The following RBM11 variants were observed in gnomAD, a reference collection of about 807,000 sequenced individuals.
RBM11 encodes the protein RNA binding motif protein 11.
RBM11 carries 18 observed loss-of-function variants against 21.4 expected under a neutral mutation model. The ratio of observed to expected loss-of-function variants is 0.84; its 90% CI spans 0.58 to 1.25. The LOEUF is 1.25. Ranked by LOEUF, RBM11 falls within the 50% of genes most tolerant of loss-of-function variation. The pLI is 0.00. For synonymous variants in RBM11, 120 were observed against 116.3 expected (o/e 1.03, Z -0.20); for missense variants, 294 against 331.9 (o/e 0.89, Z 0.89).
At position 14,227,219 on chromosome 21, in the gene RBM11, AG is replaced by A; in HGVS notation, c.773del (p.Ser258IlefsTer30). 6.2e-7 allele frequency: 1 copy of A among 1,614,080 alleles called. No individual in the cohort carries two copies. The highest frequency in any genetic ancestry group is 1.1e-5 in the South Asian group (1 of 91,082). On this transcript the variant is annotated frameshift_variant, in exon 5 of 5. Coordinates refer to ENST00000400577, the MANE Select transcript of RBM11 (RefSeq NM_144770.5). LOFTEE classifies it high-confidence loss of function. ...KRQKQTSDSD[S>X]STDNNRGNEC... ...ACAAAAGCAAACAAGTGATAGTGAT[AG>A]TAGCACAGACAACAACAGAGGCAAC...
intron 2 of RBM11, among the ~76,000 whole-genome samples, 182 bp downstream of exon 2, chr21:14,219,907 G>A (rs909323584): frequency 9.2e-5 from 14 of 152,106 alleles, no homozygotes; most frequent in Admixed American, 8.5e-4. Flanking sequence ...TAGTTAATTA[G>A]TCTTGACAAA....
At chr21:14,223,660 T>C (rs1978856347) in intron 3 of RBM11, among the ~76,000 whole-genome samples, 1 of 152,208 alleles carries the variant, frequency 6.6e-6, no homozygotes, top group Non-Finnish European at 1.5e-5. Context: ...AGTTTGAATG[T>C]GTCCCTCAAA....
chr21:14,216,487 G>T (rs1600952714), intron 1 of RBM11, among the ~76,000 whole-genome samples: 1 of 152,158 alleles, frequency 6.6e-6, no homozygotes, highest in Non-Finnish European at 1.5e-5. Flanking sequence ...CCGCGCTGCA[G>T]AGTCCTGGGG....
At chr21:14,226,478 G>T (rs1979090650) in intron 4 of RBM11, among the ~76,000 whole-genome samples, 2 of 151,990 alleles carry the variant, frequency 1.3e-5, no homozygotes, top group South Asian at 2.1e-4. Context: ...AATTAGCTGG[G>T]TGTGGTGGCG....
At chr21:14,223,112 T>A (rs1037176230) in intron 3 of RBM11, among the ~76,000 whole-genome samples, 1 of 152,198 alleles carries the variant, frequency 6.6e-6, no homozygotes, top group Non-Finnish European at 1.5e-5. Flanking sequence ...TAGTTATGTT[T>A]GATACACTGA....
At chr21:14,224,254 A>T in intron 3 of RBM11, 184 bp from the exon 4 acceptor site, 1 of 824,556 alleles carries the variant, frequency 1.2e-6, no homozygotes, top group Non-Finnish European at 1.8e-6. Flanking sequence ...ACTGGGATTT[A>T]GGACTTTAAC....
At chr21:14,225,741 G>A (rs780392825) in intron 4 of RBM11, among the ~76,000 whole-genome samples, 54 of 151,876 alleles carry the variant, frequency 3.6e-4, no homozygotes, top group Non-Finnish European at 5.9e-4. Context: ...TGTCTTCATC[G>A]AAGCATTTTT....
At chr21:14,226,012 G>T (rs970645791) in intron 4 of RBM11, among the ~76,000 whole-genome samples, 4 of 151,722 alleles carry the variant, frequency 2.6e-5, no homozygotes, top group African/African-American at 9.7e-5. Flanking sequence ...TCGGTTTTCA[G>T]AAAACTTTTA....
intron 4 of RBM11, among the ~76,000 whole-genome samples, chr21:14,224,754 G>A (rs1978956700): frequency 6.6e-6 from 1 of 152,174 alleles, no homozygotes; most frequent in African/African-American, 2.4e-5. Flanking sequence ...AAAAGGGATG[G>A]ACGGCAGTGA....
At chr21:14,223,410 A>C (rs897387095) in intron 3 of RBM11, among the ~76,000 whole-genome samples, 1 of 152,178 alleles carries the variant, frequency 6.6e-6, no homozygotes, top group African/African-American at 2.4e-5. Context: ...CTGCTATAAC[A>C]AAGTACCGCA....
chr21:14,221,647 G>T (rs1481987803), intron 3 of RBM11, among the ~76,000 whole-genome samples: 3 of 152,094 alleles, frequency 2.0e-5, no homozygotes, highest in African/African-American at 4.8e-5. Flanking sequence ...AACTCATCTA[G>T]AATTTTGTAT....
intron 4 of RBM11, among the ~76,000 whole-genome samples, chr21:14,226,192 A>G (rs1427766407): frequency 1.3e-5 from 2 of 152,216 alleles, no homozygotes; most frequent in African/African-American, 4.8e-5. Flanking sequence ...AAGAAAAAGT[A>G]AAATATCTCA....
chr21:14,220,512 T>G (rs796358404), intron 2 of RBM11, among the ~76,000 whole-genome samples: 6 of 152,328 alleles, frequency 3.9e-5, no homozygotes, highest in African/African-American at 1.4e-4. Flanking sequence ...AATGCTTTAT[T>G]GCAAAGCAAA....
intron 1 of RBM11, 113 bp downstream of exon 1, chr21:14,216,395 T>C: frequency 1.2e-6 from 1 of 841,804 alleles, no homozygotes; most frequent in Non-Finnish European, 1.9e-6. Flanking sequence ...TGAGCAGGGG[T>C]TTTAATTTCG....
At chr21:14,224,032 C>T (rs1465570008) in intron 3 of RBM11, among the ~76,000 whole-genome samples, 1 of 152,048 alleles carries the variant, frequency 6.6e-6, no homozygotes, top group Non-Finnish European at 1.5e-5. Flanking sequence ...AACAGAGTAC[C>T]TGTTTGTTAT....
chr21:14,219,882 A>G (rs911168595), intron 2 of RBM11, among the ~76,000 whole-genome samples, 157 bp downstream of exon 2: 1 of 152,152 alleles, frequency 6.6e-6, no homozygotes, highest in Non-Finnish European at 1.5e-5. Context: ...CACGTGTCTA[A>G]TTCATAATGT....
chr21:14,216,921 A>G (rs1019914492), intron 1 of RBM11, among the ~76,000 whole-genome samples: 1 of 152,166 alleles, frequency 6.6e-6, no homozygotes, highest in African/African-American at 2.4e-5. Context: ...ACAGCTAGGT[A>G]TCACTTGCCA....
rs142580251 is a variant in RBM11, at chr21:14,222,324, G to A, written c.332+1155G>A. Among the ~76,000 whole-genome samples the A allele has an allele frequency of 2.4e-4, 36 of 152,154 alleles. No individual in the cohort carries two copies. In the East Asian group the frequency reaches 6.6e-3, roughly 28 times the overall value. ...ATATAGATACTTATATATAGAGAGA[G>A]AAGTATAGCTCTACTAGCTACATTT... On this transcript the variant is annotated intron_variant, in intron 3 of 4. Transcript: ENST00000400577.
rs1979161657 is a variant in RBM11 at position 14,227,078 on chromosome 21, TC to T, written c.633del (p.Val212CysfsTer5). 6.2e-7 allele frequency: 1 copy of T among 1,613,288 alleles called. No individual in the cohort carries two copies. The highest frequency in any genetic ancestry group is 1.7e-5 in the Admixed American group (1 of 59,924). On this transcript the variant is annotated frameshift_variant, in exon 5 of 5. Transcript: ENST00000400577. LOFTEE classifies it low-confidence loss of function (END_TRUNC). ...QMTAPLPNSA[S>X]VSSSLNHVPD... ...GACAGCTCCACTTCCTAATAGTGCA[TC>T]CGTGTCTTCCTCACTGAATCATGTT...
Sources: gnomAD v4.1 joint callset for allele counts (sites outside exome capture counted in the v4.1 genomes callset) on GRCh38, gnomAD v4.1.1 for gene constraint, MANE v1.5 for transcripts, NCBI Gene and HGNC (gene_info 2026-07-23, HGNC 2026-07-21) for gene names.